NOTCH3: variants seen among roughly 807,000 people sequenced by gnomAD.
The protein encoded by NOTCH3 is notch receptor 3.
A neutral mutation model predicts 213.3 loss-of-function variants in NOTCH3; 86 were observed. The observed-to-expected ratio is 0.40, with a 90% confidence interval of 0.34 to 0.48. The LOEUF (loss-of-function observed/expected upper bound fraction) is 0.48. Among genes scored for constraint, NOTCH3 ranks in the 20% least tolerant of loss-of-function variants. The probability of loss-of-function intolerance (pLI) is 0.57; values close to 1 mark genes in which losing one functional copy is unlikely to be tolerated. For missense variants in NOTCH3, 2,783 were observed against 3,272.6 expected (o/e 0.85, Z 3.65); for synonymous variants, 1,354 against 1,355.9 (o/e 1.00, Z 0.03).
Position 15,185,513 on chromosome 19 carries a change from G to A in NOTCH3, c.2118C>T (p.His706=), listed in dbSNP as rs760444055. ...CGCCAGGTGCATCATAGCAGATGCC[G>A]TGACTGCAGGGCTCATGGGCACAGG... ...SHPCAHEPCS[H]GICYDAPGGF... is the part of the protein sequence containing the mutation. Residue 706 remains histidine (H), a synonymous_variant, in exon 13 of 33, where the codon CAC becomes CAT. Transcript: ENST00000263388. The surrounding 1 kb of genome is among the most constrained non-coding windows in gnomAD (Gnocchi z 4.2). 14 of 1,613,396 alleles carry A rather than the reference G, an allele frequency of 8.7e-6. No homozygotes were observed. The highest frequency in any genetic ancestry group is 5.0e-5 in the Admixed American group (3 of 59,976).
chr19:15,173,116 T>A (rs1394672629), intron 25 of NOTCH3, among the ~76,000 whole-genome samples: 2 of 94,798 alleles, frequency 2.1e-5, no homozygotes, highest in African/African-American at 1.8e-4. Flanking sequence ...TTTTTTTTTT[T>A]TTTTTTTTTT....
At chr19:15,188,038 A>G in intron 9 of NOTCH3, 44 bp from the exon 10 acceptor site, 1 of 1,419,108 alleles carries the variant, frequency 7.0e-7, no homozygotes, top group Non-Finnish European at 9.7e-7. Flanking sequence ...AAAGGGTGAG[A>G]GCAGTACACC....
intron 8 of NOTCH3, among the ~76,000 whole-genome samples, chr19:15,188,729 A>G (rs971034598): frequency 1.3e-5 from 2 of 150,548 alleles, no homozygotes; most frequent in Admixed American, 6.6e-5. Flanking sequence ...CTGCCTCTCT[A>G]TCCCCAACCC....
intron 25 of NOTCH3, 28 bp from the exon 26 acceptor site, chr19:15,170,853 G>T (rs1366563213): frequency 6.2e-7 from 1 of 1,611,608 alleles, no homozygotes; most frequent in African/African-American, 1.3e-5. Context: ...AGGGACCAGA[G>T]GGCTCAAAAA....
chr19:15,192,145 C>A lies in NOTCH3; in HGVS notation c.494G>T (p.Gly165Val). The A allele has an allele frequency of 6.2e-7, 1 of 1,612,894 alleles. No individual in the cohort carries two copies. Among genetic ancestry groups the A allele is most frequent in the South Asian group, 1.1e-5 (1 of 91,082 alleles). The change falls in exon 4 of 33, where the codon GGT becomes GTT. Residue 165 changes from glycine (G) to valine (V), a missense_variant. This residue lies in a region of NOTCH3 where 708 missense variants were observed against 906.6 expected (regional missense o/e 0.78). Coordinates refer to ENST00000263388, the MANE Select transcript of NOTCH3 (RefSeq NM_000435.3). ...CRSDVDECRVGEPCRHGGTCL... is the reference protein window; with the variant it reads ...CRSDVDECRVVEPCRHGGTCL... ...GGTGCCACCATGGCGGCAGGGCTCACCCACCCGGCACTCATCCACGTCGCT... is the reference window on the plus strand; with the variant it reads ...GGTGCCACCATGGCGGCAGGGCTCAACCACCCGGCACTCATCCACGTCGCT...
At position 15,160,905 on chromosome 19, in the gene NOTCH3, C is replaced by T; in HGVS notation, c.6723G>A (p.Glu2241=). ...PKARFLRVPS[E]HPYLTPSPES... ...CGGGGGATGGGGTCAGGTAAGGGTG[C>T]TCACTGGGAACCCGCAGGAAGCGGG... The change falls in exon 33 of 33, where the codon GAG becomes GAA. Residue 2241 remains glutamate, a synonymous_variant. Coordinates refer to ENST00000263388, the MANE Select transcript of NOTCH3 (RefSeq NM_000435.3). 6.2e-7 allele frequency: 1 copy of T among 1,610,668 alleles called. No homozygotes were observed. The highest frequency in any genetic ancestry group is 8.5e-7 in the Non-Finnish European group (1 of 1,177,952).
intron 1 of NOTCH3, among the ~76,000 whole-genome samples, chr19:15,199,974 A>G (rs1466676017): frequency 6.7e-6 from 1 of 149,136 alleles, no homozygotes; most frequent in Non-Finnish European, 1.5e-5. Flanking sequence ...AGAAAGCGCG[A>G]GGCCGGCCGG....
chr19:15,173,290 C>T lies in NOTCH3; in HGVS notation c.4736+778G>A, dbSNP rs374701392. ...ACAAAAAATTAGCCAGGCATGGTGG[C>T]GGCCGCCTGTAGTCCCAGCTACTCG... On this transcript the variant is annotated intron_variant, in intron 25 of 32. Transcript: ENST00000263388. 4.9e-4 allele frequency among the ~76,000 whole-genome samples: 74 copies of T among 149,982 alleles called. 1 individual carries two copies. The South Asian group carries it at 5.3e-3, about 11-fold the overall frequency.
chr19:15,188,689 C>T (rs1568360304), intron 8 of NOTCH3, among the ~76,000 whole-genome samples: 1 of 151,862 alleles, frequency 6.6e-6, no homozygotes, highest in Non-Finnish European at 1.5e-5. Flanking sequence ...TGTCTGCAGG[C>T]TTCACCTTGA....
rs1599376745 is a variant in NOTCH3, at chr19:15,175,892, A to G, written c.4404-1492T>C. Among the ~76,000 whole-genome samples, 5 of 151,336 alleles carry G rather than the reference A, an allele frequency of 3.3e-5. No individual in the cohort carries two copies. In the East Asian group the frequency reaches 7.8e-4, roughly 24 times the overall value. ...CAGAGTGAGTGAGGGGAAAGCAGAG[A>G]AGATGAGGATGTGGAGATTAAGGGG... On this transcript the variant is annotated intron_variant, in intron 24 of 32. Coordinates refer to ENST00000263388, the MANE Select transcript of NOTCH3 (RefSeq NM_000435.3).
In NOTCH3 at chr19:15,181,099, G is replaced by T. The variant is rs968392255; in HGVS notation, c.2856C>A (p.Pro952=). The change falls in exon 18 of 33, where the codon CCC becomes CCA. Residue 952 remains proline, a synonymous_variant. Transcript: ENST00000263388. ...GTTGGCAGTGGGCTCCTGTGTAGCC[G>T]GGACGGCACAGGCAGCTGAACGAGT... ...GVNSFSCLCR[P]GYTGAHCQHE... 2 of 1,609,742 alleles carry T rather than the reference G, an allele frequency of 1.2e-6. No individual in the cohort carries two copies. The highest frequency in any genetic ancestry group is 1.7e-4 in the Middle Eastern group (1 of 6,024).
chr19:15,173,023 T>C (rs1330987164), intron 25 of NOTCH3, among the ~76,000 whole-genome samples: 8 of 20,592 alleles, frequency 3.9e-4, no homozygotes, highest in Non-Finnish European at 6.2e-4. Context: ...TTCTTCCTCT[T>C]CCTCCCCCTC....
rs2046818353 is a variant in NOTCH3, at chr19:15,179,208, T to C, written c.3535A>G (p.Asn1179Asp). The C allele has an allele frequency of 6.2e-7, 1 of 1,613,946 alleles. No homozygotes were observed. The highest frequency in any genetic ancestry group is 8.5e-7 in the Non-Finnish European group (1 of 1,179,966). ...PLDSGPRCLHNGTCVDLVGGF... is the reference protein window; with the variant it reads ...PLDSGPRCLHDGTCVDLVGGF... Reference sequence around the variant, plus strand: ...CCCACCAGGTCCACGCAGGTGCCATTGTGTAGGCACCGGGGCCCTGAGTCC... The same window carrying C: ...CCCACCAGGTCCACGCAGGTGCCATCGTGTAGGCACCGGGGCCCTGAGTCC... Residue 1179 changes from asparagine to aspartate, a missense_variant, in exon 22 of 33, where the codon AAT becomes GAT. Around this residue, in one of 6 missense-constraint regions of NOTCH3, gnomAD observed 861 missense variants for 909.1 expected, o/e 0.95. Transcript: ENST00000263388.
Position 15,160,577 on chromosome 19 carries a change from C to A in NOTCH3, c.*85G>T, listed in dbSNP as rs185310376. 5.3e-4 allele frequency: 589 copies of A among 1,113,372 alleles called. 6 individuals carry two copies. In the African/African-American group the frequency reaches 7.8e-3, roughly 15 times the overall value. 69.0% of individuals were successfully genotyped at this position (1,113,372 alleles called of 1,614,324 possible). A position where few individuals can be genotyped will look rare whatever the true frequency, so the allele number is the denominator to read the frequency against. ...TGGAAAGAGAAGAGGATGAAAAAGA[C>A]TAAAAGGAAGGAAGAGACAGAGAAA... On this transcript the variant is annotated 3_prime_UTR_variant, in exon 33 of 33. Coordinates refer to ENST00000263388, the MANE Select transcript of NOTCH3 (RefSeq NM_000435.3).
chr19:15,195,616 C>A (rs1047539686), intron 2 of NOTCH3, among the ~76,000 whole-genome samples: 10 of 151,938 alleles, frequency 6.6e-5, no homozygotes, highest in Non-Finnish European at 1.3e-4. Flanking sequence ...GGTCGGGGCA[C>A]GGCCGAGCAA....
At chr19:15,199,987 G>A (rs992611271) in intron 1 of NOTCH3, among the ~76,000 whole-genome samples, 12 of 151,986 alleles carry the variant, frequency 7.9e-5, no homozygotes, top group African/African-American at 2.4e-4. Context: ...CCGGCCGGAG[G>A]GAGGGGGTGT....
intron 1 of NOTCH3, among the ~76,000 whole-genome samples, chr19:15,200,302 G>C (rs1005848708): frequency 2.0e-5 from 3 of 151,326 alleles, no homozygotes; most frequent in Admixed American, 6.6e-5. Flanking sequence ...AGTTTTCTCC[G>C]AGTTCAGAGC....
In NOTCH3 at chr19:15,179,115, G is replaced by A. The variant is rs758961316; in HGVS notation, c.3628C>T (p.Arg1210Cys). ...LRCEADINECRSGACHAAHTR... is the reference protein window; with the variant it reads ...LRCEADINECCSGACHAAHTR... ...TGTGCCGCGTGGCAGGCACCTGAGC[G>A]ACACTCATTGATGTCTGCCTCGCAG... is the stretch of plus-strand genomic sequence containing the variant. Residue 1210 changes from arginine (R) to cysteine (C), a missense_variant, in exon 22 of 33, where the codon CGC becomes TGC. Physicochemically the swap from Arg to Cys is radical, Grantham distance 180 (BLOSUM62 -3). This residue lies in a region of NOTCH3 where 861 missense variants were observed against 909.1 expected (regional missense o/e 0.95). Transcript: ENST00000263388. 3.1e-6 allele frequency: 5 copies of A among 1,614,182 alleles called. No individual in the cohort carries two copies. The highest frequency in any genetic ancestry group is 1.1e-5 in the South Asian group (1 of 91,088).
At chr19:15,182,083 G>C (rs1266178777) in intron 16 of NOTCH3, among the ~76,000 whole-genome samples, 1 of 152,228 alleles carries the variant, frequency 6.6e-6, no homozygotes, top group Non-Finnish European at 1.5e-5. Context: ...TAATTCCTGT[G>C]CTTGGAACAG....
Sources: allele counts gnomAD v4.1 joint callset (sites outside exome capture counted in the v4.1 genomes callset), GRCh38; gene constraint gnomAD v4.1.1; regional missense constraint gnomAD v4.1.1; non-coding constraint Gnocchi (gnomAD v3.1); transcripts MANE v1.5; gene names NCBI Gene and HGNC (gene_info 2026-07-23, HGNC 2026-07-21).